The following PBX1 variants were observed in gnomAD, a reference collection of about 807,000 sequenced individuals.
The protein encoded by PBX1 is PBX homeobox 1, also known as pre-B-cell leukemia transcription factor 1.
A neutral mutation model predicts 53.4 loss-of-function variants in PBX1; 6 were observed. The ratio of observed to expected loss-of-function variants is 0.11; its 90% CI spans 0.06 to 0.22. PBX1 has a LOEUF of 0.22. Among genes scored for constraint, PBX1 ranks in the 10% least tolerant of loss-of-function variants. The pLI is 1.00. For synonymous variants in PBX1, 204 were observed against 212.3 expected (o/e 0.96, Z 0.34); for missense variants, 251 against 551.4 (o/e 0.46, Z 5.46).
chr1:164,589,155 G>A (rs144334097), intron 2 of PBX1, among the ~76,000 whole-genome samples: 1 of 152,194 alleles, frequency 6.6e-6, no homozygotes, highest in African/African-American at 2.4e-5. Flanking sequence ...AGGGGCAGTG[G>A]GGGAGGGAGG....
chr1:164,731,063 TTATG>T (rs763648217), intron 2 of PBX1, among the ~76,000 whole-genome samples: 19 of 152,088 alleles, frequency 1.2e-4, no homozygotes, highest in African/African-American at 2.2e-4. Context: ...CTTTCCGTGT[TTATG>T]TGTGTGTGTG....
chr1:164,784,405 G>A (rs1017647263), intron 2 of PBX1, among the ~76,000 whole-genome samples: 36 of 152,206 alleles, frequency 2.4e-4, no homozygotes, highest in Admixed American at 6.5e-5. Flanking sequence ...GAGGCGCAGC[G>A]TGCCAAGTGG....
intron 2 of PBX1, among the ~76,000 whole-genome samples, chr1:164,737,212 T>C (rs1317579850): frequency 6.6e-6 from 1 of 152,166 alleles, no homozygotes; most frequent in African/African-American, 2.4e-5. Flanking sequence ...TTTTAGTTCT[T>C]CGAATGGTCA....
chr1:164,626,997 CT>C (rs1441397134), intron 2 of PBX1, among the ~76,000 whole-genome samples: 8 of 152,286 alleles, frequency 5.3e-5, no homozygotes, highest in African/African-American at 1.9e-4. Flanking sequence ...GATAGAGAAT[CT>C]TATAAATTTA....
At chr1:164,845,348 GAGTATGCAAGA>G (rs1671517198) in intron 8 of PBX1, among the ~76,000 whole-genome samples, 1 of 139,234 alleles carries the variant, frequency 7.2e-6, no homozygotes, top group Non-Finnish European at 1.6e-5. Flanking sequence ...AGGTGCCATG[GAGTATGCAAGA>G]GTTGAAGTGG....
intron 2 of PBX1, among the ~76,000 whole-genome samples, chr1:164,743,710 G>A: frequency 6.6e-6 from 1 of 152,092 alleles, no homozygotes; most frequent in South Asian, 2.1e-4. Flanking sequence ...TGGGTCATTA[G>A]GGAGCCAAAG....
At chr1:164,857,588 T>C (rs1672006880) in intron 2 of PBX1, among the ~76,000 whole-genome samples, 1 of 152,202 alleles carries the variant, frequency 6.6e-6, no homozygotes, top group Non-Finnish European at 1.5e-5. Context: ...AGTCTTGTTC[T>C]TTCTGGTGAC....
intron 2 of PBX1, among the ~76,000 whole-genome samples, chr1:164,669,660 G>C (rs1008809152): frequency 1.3e-4 from 20 of 152,036 alleles, no homozygotes; most frequent in African/African-American, 4.8e-4. Flanking sequence ...CCTTTCCTGG[G>C]TTCATGCAAC....
At chr1:164,750,211 T>C (rs1666127159) in intron 2 of PBX1, among the ~76,000 whole-genome samples, 1 of 151,044 alleles carries the variant, frequency 6.6e-6, no homozygotes, top group Non-Finnish European at 1.5e-5. Context: ...CCCTGAATGC[T>C]CATTGCTAAC....
intron 2 of PBX1, among the ~76,000 whole-genome samples, chr1:164,697,588 C>T (rs1487030859): frequency 2.0e-5 from 3 of 152,208 alleles, no homozygotes; most frequent in African/African-American, 7.2e-5. Context: ...CACAGGAAGT[C>T]TCAATGTTAA....
intron 2 of PBX1, among the ~76,000 whole-genome samples, chr1:164,667,412 ATGTGTGTG>A (rs59721347): frequency 1.0e-4 from 15 of 147,406 alleles, no homozygotes; most frequent in African/African-American, 3.2e-4. Context: ...TATGTATAAT[ATGTGTGTG>A]TGTGTGTGTG....
In PBX1 at chr1:164,764,167, G is replaced by C. The variant is rs371709627; in HGVS notation, c.266-28327G>C. Among the ~76,000 whole-genome samples, 211 of 152,206 alleles carry C rather than the reference G, an allele frequency of 1.4e-3. No individual in the cohort carries two copies. The Middle Eastern group carries it at 0.02, about 15-fold the overall frequency. ...TCTTGTCAATGAGCTCAGCAAGTGG[G>C]GTGTTTTCCCTCAGTTCTTTGTCTT... is the stretch of plus-strand genomic sequence containing the variant. On this transcript the variant is annotated intron_variant, in intron 2 of 8. Transcript: ENST00000420696.
chr1:164,621,261 A>T (rs923951040), intron 2 of PBX1, among the ~76,000 whole-genome samples: 1 of 152,226 alleles, frequency 6.6e-6, no homozygotes, highest in Non-Finnish European at 1.5e-5. Context: ...TGCTGGAATT[A>T]CAGGCATGAG....
Position 164,674,847 on chromosome 1 carries a change from G to GCCCCCCCCCCCCCCC in PBX1, c.265+111537_265+111551dup, listed in dbSNP as rs78130048. The GCCCCCCCCCCCCCCC allele has an allele frequency of 1.2e-4, 5 of 40,710 alleles. 1 individual carries two copies. Among genetic ancestry groups the GCCCCCCCCCCCCCCC allele is most frequent in the Non-Finnish European group, 1.2e-4 (2 of 16,248 alleles). 2.5% of individuals were successfully genotyped at this position (40,710 alleles called of 1,614,324 possible). A position where few individuals can be genotyped will look rare whatever the true frequency, so the allele number is the denominator to read the frequency against. ...TATTTAGTTAGAGGAAGAAATCACA[G>GCCCCCCCCCCCCCCC]CCCCCCCCCCCCCCCACCCACCACC... On this transcript the variant is annotated intron_variant, in intron 2 of 8. Transcript: ENST00000420696.
chr1:164,707,121 A>G (rs1226672606), intron 2 of PBX1, among the ~76,000 whole-genome samples: 3 of 152,136 alleles, frequency 2.0e-5, no homozygotes, highest in East Asian at 1.9e-4. Context: ...TAAGCCCTGA[A>G]TCTTTTATGA....
intron 2 of PBX1, among the ~76,000 whole-genome samples, chr1:164,584,770 C>T (rs915879353): frequency 5.9e-5 from 9 of 152,028 alleles, no homozygotes; most frequent in African/African-American, 1.2e-4. Flanking sequence ...GTGGGAGAGG[C>T]GGAGGTGAGG....
rs554291949 is a variant in PBX1 at position 164,748,121 on chromosome 1, G to C, written c.266-44373G>C. ...CAAGCCACAGCTAATTATACAAGCA[G>C]ACTAGCAGGATTTGAGATGCAAAGT... is the stretch of plus-strand genomic sequence containing the variant. On this transcript the variant is annotated intron_variant, in intron 2 of 8. Transcript: ENST00000420696. Among the ~76,000 whole-genome samples, 20 of 152,234 alleles carry C rather than the reference G, an allele frequency of 1.3e-4. No individual in the cohort carries two copies. The East Asian group carries it at 1.9e-3, about 15-fold the overall frequency.
At chr1:164,771,580 T>TA (rs3215011) in intron 2 of PBX1, 2,102 of 142,330 alleles carry the variant, frequency 0.015, 41 homozygotes, top group African/African-American at 0.047. Context: ...CAGAGACCCT[T>TA]AAAAAAAAAA....
At chr1:164,765,981 A>G (rs1391663690) in intron 2 of PBX1, among the ~76,000 whole-genome samples, 1 of 152,244 alleles carries the variant, frequency 6.6e-6, no homozygotes. Context: ...AAAGTTCTAA[A>G]TGCCGTTGGG....
Sources: allele counts gnomAD v4.1 joint callset (sites outside exome capture counted in the v4.1 genomes callset), GRCh38; gene constraint gnomAD v4.1.1; transcripts MANE v1.5; gene names NCBI Gene and HGNC (gene_info 2026-07-23, HGNC 2026-07-21).